GPC4: variants seen among roughly 807,000 people sequenced by gnomAD.
GPC4 encodes the protein glypican-4.
In GPC4, 10 loss-of-function variants were observed where a neutral mutation model predicts 35.0. The observed-to-expected ratio is 0.29, with a 90% CI of 0.18 to 0.48. The LOEUF (loss-of-function observed/expected upper bound fraction) is 0.48, where lower values mean the gene tolerates loss of function less well. Ranked by LOEUF, GPC4 falls within the 20% of genes least tolerant of loss-of-function variation. GPC4 has a pLI of 0.99. For synonymous variants in GPC4, 167 were observed against 170.2 expected, an observed-to-expected ratio of 0.98 and a Z score of 0.15; for missense variants, 322 against 451.3, an observed-to-expected ratio of 0.71 and a Z score of 2.60.
intron 1 of GPC4, among the ~76,000 whole-genome samples, chrX:133,386,048 AAAAT>A (rs1256925518): frequency 1.8e-5 from 2 of 108,972 alleles, no homozygotes; most frequent in African/African-American, 3.3e-5. Context: ...AAAAATAAAT[AAAAT>A]AAATAAAAAA....
intron 1 of GPC4, among the ~76,000 whole-genome samples, chrX:133,372,133 T>C (rs777490589): frequency 2.3e-4 from 24 of 106,410 alleles, no homozygotes; most frequent in African/African-American, 8.2e-4. Flanking sequence ...CTCAGGAGGC[T>C]GAGGATCGCT....
At chrX:133,343,966 CTG>C (rs1490053214) in intron 1 of GPC4, among the ~76,000 whole-genome samples, 2 of 109,207 alleles carry the variant, frequency 1.8e-5, no homozygotes, top group African/African-American at 6.6e-5. Flanking sequence ...ATCTGTGAAA[CTG>C]TGCTTTCTCA....
intron 3 of GPC4, among the ~76,000 whole-genome samples, chrX:133,317,008 C>A (rs1044165726): frequency 2.7e-5 from 3 of 112,102 alleles, no homozygotes; most frequent in South Asian, 3.7e-4. Context: ...AGGTTTGCTT[C>A]ATTTGCTTTT....
At chrX:133,379,550 T>C (rs2068651415) in intron 1 of GPC4, among the ~76,000 whole-genome samples, 1 of 111,985 alleles carries the variant, frequency 8.9e-6, no homozygotes, top group African/African-American at 3.2e-5. Flanking sequence ...TTTAAGTTGG[T>C]TGAAATGGTG....
chrX:133,303,903 G>GAGGAAGGAAGGAAGGAAGGAAGGAAGGA (rs59442838), intron 7 of GPC4, among the ~76,000 whole-genome samples: 5 of 75,410 alleles, frequency 6.6e-5, no homozygotes, highest in Non-Finnish European at 9.6e-5. Context: ...TACTCTGTTG[G>GAGGAAGGAAGGAAGGAAGGAAGGAAGGA]AGGAAGGAAG....
intron 1 of GPC4, among the ~76,000 whole-genome samples, chrX:133,382,343 G>A (rs185572536): frequency 7.0e-4 from 71 of 101,998 alleles, no homozygotes; most frequent in African/African-American, 2.1e-3. Context: ...GGAGAATGGC[G>A]TGAACCCAGG....
chrX:133,405,104 C>CTTT (rs746824918), intron 1 of GPC4, among the ~76,000 whole-genome samples: 17 of 67,155 alleles, frequency 2.5e-4, no homozygotes, highest in East Asian at 5.1e-4. Context: ...CAATAGAACT[C>CTTT]TTTTTTTTTT....
Position 133,306,013 on chromosome X carries a change from G to A in GPC4, c.1008+11C>T. On this transcript the variant is annotated intron_variant, in intron 5 of 8. Transcript: ENST00000370828. ...CCCTAGCTCCCCTTTCCAGCATCCT[G>A]CCTTCATTACCTTCTGAGACACTTG... 1 of 1,211,227 alleles carries A rather than the reference G, an allele frequency of 8.3e-7. No homozygotes were observed. Among genetic ancestry groups the A allele is most frequent in the Non-Finnish European group, 1.1e-6 (1 of 895,272 alleles).
chrX:133,349,044 T>A, intron 1 of GPC4, among the ~76,000 whole-genome samples: 1 of 112,085 alleles, frequency 8.9e-6, no homozygotes, highest in Non-Finnish European at 1.9e-5. Flanking sequence ...GGTGAGGACT[T>A]TTTTTCCCTC....
At chrX:133,329,425 C>T (rs2068409042) in intron 2 of GPC4, among the ~76,000 whole-genome samples, 1 of 111,525 alleles carries the variant, frequency 9.0e-6, no homozygotes, top group Non-Finnish European at 1.9e-5. Flanking sequence ...ATAAATGAAG[C>T]CAAAGCTGCT....
chrX:133,328,889 G>A (rs1194732313), intron 2 of GPC4, among the ~76,000 whole-genome samples: 1 of 112,021 alleles, frequency 8.9e-6, no homozygotes, highest in Non-Finnish European at 1.9e-5. Flanking sequence ...TCTGTTTTAA[G>A]TAAAGCTACT....
chrX:133,336,171 T>A (rs192222495), intron 2 of GPC4, among the ~76,000 whole-genome samples: 2 of 111,810 alleles, frequency 1.8e-5, no homozygotes, highest in East Asian at 5.7e-4. Flanking sequence ...TCCTATAGCC[T>A]GTTAATCAAT....
At position 133,306,126 on chromosome X, in the gene GPC4, T is replaced by C; in HGVS notation, c.906A>G (p.Leu302=). Residue 302 remains leucine, a synonymous_variant, in exon 5 of 9, where the codon CTA becomes CTG. Transcript: ENST00000370828. ...IDAMLMVAER[L]EGPFNIESVM... ...CCGATTCAATGTTGAAAGGACCCTC[T>C]AGCCTCTCTGCCACCATCAGCATAG... 1.7e-6 allele frequency: 2 copies of C among 1,211,102 alleles called. No individual in the cohort carries two copies. The highest frequency in any genetic ancestry group is 2.2e-6 in the Non-Finnish European group (2 of 895,004).
At chrX:133,360,229 TAAAG>T (rs2068561021) in intron 1 of GPC4, among the ~76,000 whole-genome samples, 1 of 111,670 alleles carries the variant, frequency 9.0e-6, no homozygotes, top group South Asian at 3.8e-4. Flanking sequence ...CATTGAATCT[TAAAG>T]GACACACACA....
chrX:133,382,615 G>A (rs1042730781), intron 1 of GPC4, among the ~76,000 whole-genome samples: 2 of 108,712 alleles, frequency 1.8e-5, no homozygotes, highest in Admixed American at 2.0e-4. Flanking sequence ...TGTAGTCCCA[G>A]CTACTTGGGA....
Position 133,414,970 on chromosome X carries a change from C to G in GPC4, c.-5G>C, listed in dbSNP as rs1569359307. ...GGGCAAGCCGAACCGTGCCATGGTG[C>G]GGGCCGGGGCGGACGCGTTCCCACC... On this transcript the variant is annotated 5_prime_UTR_variant, in exon 1 of 9. Coordinates refer to ENST00000370828, the MANE Select transcript of GPC4 (RefSeq NM_001448.3). 1 of 1,205,059 alleles carries G rather than the reference C, an allele frequency of 8.3e-7. No homozygotes were observed.
intron 1 of GPC4, among the ~76,000 whole-genome samples, chrX:133,394,292 G>T (rs1238955597): frequency 1.8e-5 from 2 of 109,738 alleles, no homozygotes; most frequent in African/African-American, 6.6e-5. Context: ...ATATATATAT[G>T]TATATATGCA....
chrX:133,303,356 G>A lies in GPC4; in HGVS notation c.1293-15C>T, dbSNP rs369700656. On this transcript the variant is annotated splice_polypyrimidine_tract_variant and intron_variant, in intron 7 of 8. Transcript: ENST00000370828. ...CAAACAGGTACCTGGAATGTAAAAT[G>A]ACCCCAGTAAGATGATTCGTAAAGC... is the stretch of plus-strand genomic sequence containing the variant. 5.9e-5 allele frequency: 70 copies of A among 1,192,387 alleles called. No homozygotes were observed. The highest frequency in any genetic ancestry group is 7.5e-5 in the Non-Finnish European group (66 of 883,686).
intron 1 of GPC4, among the ~76,000 whole-genome samples, chrX:133,378,069 A>G (rs1432875978): frequency 1.9e-5 from 2 of 107,661 alleles, no homozygotes. Context: ...TAATTTTTGT[A>G]GAGACAGGGT....
Sources: allele counts gnomAD v4.1 joint callset (sites outside exome capture counted in the v4.1 genomes callset), GRCh38; gene constraint gnomAD v4.1.1; transcripts MANE v1.5; gene names NCBI Gene and HGNC (gene_info 2026-07-23, HGNC 2026-07-21).